FUT8: variants seen among roughly 807,000 people sequenced by gnomAD.
The protein encoded by FUT8 is alpha-(1,6)-fucosyltransferase.
In FUT8, 29 loss-of-function variants were observed where a neutral mutation model predicts 71.3. The observed-to-expected ratio is 0.41, with a 90% CI of 0.30 to 0.55. The LOEUF (loss-of-function observed/expected upper bound fraction) is 0.55, where lower values mean the gene tolerates loss of function less well. FUT8 is among the 20% of genes least tolerant of loss of function. FUT8 has a pLI of 0.34. For synonymous variants in FUT8, 254 were observed against 239.3 expected (o/e 1.06, Z -0.57); for missense variants, 544 against 702.1 (o/e 0.77, Z 2.55).
chr14:65,521,459 G>T lies in FUT8; in HGVS notation c.-227-39878G>T, dbSNP rs80061208. Among the ~76,000 whole-genome samples the T allele has an allele frequency of 4.1e-3, 617 of 152,264 alleles. 13 individuals are homozygous for T. The East Asian group carries it at 0.073, about 18-fold the overall frequency. ...GAGAAAAGTAAGTACATTAGGGATG[G>T]TAATAAGGAATGTTGGAATTGGGAA... On this transcript the variant is annotated intron_variant, in intron 2 of 10. Transcript: ENST00000673929.
At chr14:65,510,694 G>A (rs1882279704) in intron 2 of FUT8, among the ~76,000 whole-genome samples, 1 of 151,990 alleles carries the variant, frequency 6.6e-6, no homozygotes, top group Admixed American at 6.6e-5. Flanking sequence ...TTTCTTCTAA[G>A]TTTTCCAATT....
At chr14:65,604,208 A>G (rs772129692) in intron 3 of FUT8, among the ~76,000 whole-genome samples, 44 of 151,930 alleles carry the variant, frequency 2.9e-4, no homozygotes, top group Non-Finnish European at 5.7e-4. Flanking sequence ...ACAGAAAGTC[A>G]ACAAAGAAAC....
intron 3 of FUT8, among the ~76,000 whole-genome samples, chr14:65,572,387 C>G (rs1886526134): frequency 6.6e-6 from 1 of 152,182 alleles, no homozygotes; most frequent in African/African-American, 2.4e-5. Flanking sequence ...TAAGTACTCA[C>G]ATTATCCCCA....
At chr14:65,741,583 C>T (rs539135967) in intron 10 of FUT8, among the ~76,000 whole-genome samples, 3 of 151,924 alleles carry the variant, frequency 2.0e-5, no homozygotes, top group African/African-American at 7.2e-5. Context: ...AAAAAGAAAA[C>T]AGTTCTGACA....
Position 65,467,840 on chromosome 14 carries a change from C to G in FUT8, c.-228+12122C>G. The G allele has an allele frequency of 1.3e-6, 1 of 786,608 alleles. No homozygotes were observed. The highest frequency in any genetic ancestry group is 1.7e-5 in the Admixed American group (1 of 57,878). 48.7% of individuals were successfully genotyped at this position (786,608 alleles called of 1,614,324 possible). On this transcript the variant is annotated intron_variant, in intron 2 of 10. Coordinates refer to ENST00000673929, the MANE Select transcript of FUT8 (RefSeq NM_001371533.1). This position sits in a 1 kb window ranked among gnomAD's most constrained non-coding sequence, Gnocchi z 4.1. Reference sequence around the variant, plus strand: ...TGAATTCACAGGGAATAGGTTCCAGCAGCTCAGGCTCCTTCCCACTGGTTC... The same window carrying G: ...TGAATTCACAGGGAATAGGTTCCAGGAGCTCAGGCTCCTTCCCACTGGTTC...
intron 6 of FUT8, among the ~76,000 whole-genome samples, chr14:65,657,957 A>T (rs1358527975): frequency 6.6e-6 from 1 of 152,142 alleles, no homozygotes; most frequent in Non-Finnish European, 1.5e-5. Flanking sequence ...AAAATTAAAA[A>T]TTAAAGAAAA....
chr14:65,439,507 A>G (rs530774770), intron 1 of FUT8, among the ~76,000 whole-genome samples: 1 of 152,196 alleles, frequency 6.6e-6, no homozygotes, highest in Non-Finnish European at 1.5e-5. Flanking sequence ...CTTTAAAGCC[A>G]TACTCCTAAA....
the FUT8 span, among the ~76,000 whole-genome samples, chr14:65,372,785 A>C: frequency 6.6e-6 from 1 of 152,054 alleles, no homozygotes; most frequent in Non-Finnish European, 1.5e-5. Context: ...CTCTGATAAT[A>C]CTTTCAGTTT....
the FUT8 span, among the ~76,000 whole-genome samples, chr14:65,363,436 T>C: frequency 1.3e-5 from 2 of 152,184 alleles, no homozygotes; most frequent in South Asian, 4.1e-4. Context: ...TTTGCATTTT[T>C]AGTAGAGACA....
At chr14:65,565,100 C>T (rs962400297) in intron 3 of FUT8, among the ~76,000 whole-genome samples, 7 of 151,796 alleles carry the variant, frequency 4.6e-5, no homozygotes, top group African/African-American at 1.7e-4. Context: ...GGAGAGTAAG[C>T]GTGTATAAAG....
chr14:65,363,552 C>T, the FUT8 span, among the ~76,000 whole-genome samples: 2 of 152,170 alleles, frequency 1.3e-5, no homozygotes, highest in East Asian at 1.9e-4. Context: ...CCACTGCGCC[C>T]GGCCAGGAAG....
At chr14:65,440,949 A>T (rs1180862638) in intron 1 of FUT8, among the ~76,000 whole-genome samples, 1 of 152,202 alleles carries the variant, frequency 6.6e-6, no homozygotes, top group South Asian at 2.1e-4. Flanking sequence ...AACAATTTAT[A>T]ACTGTGGAAT....
At chr14:65,405,529 AT>A in the FUT8 span, among the ~76,000 whole-genome samples, 3 of 151,852 alleles carry the variant, frequency 2.0e-5, no homozygotes, top group Admixed American at 2.0e-4. Context: ...TCCTCTTCTT[AT>A]TTTTTTTACT....
At chr14:65,558,443 T>G (rs1885718568) in intron 2 of FUT8, among the ~76,000 whole-genome samples, 1 of 152,188 alleles carries the variant, frequency 6.6e-6, no homozygotes, top group Non-Finnish European at 1.5e-5. Flanking sequence ...ATTAATGACT[T>G]TATTTTTGAA....
At chr14:65,447,585 A>T (rs1281825537) in intron 1 of FUT8, among the ~76,000 whole-genome samples, 1 of 152,110 alleles carries the variant, frequency 6.6e-6, no homozygotes, top group Non-Finnish European at 1.5e-5. Flanking sequence ...TTTCAAATAC[A>T]TACATTTTTT....
chr14:65,524,014 C>T (rs1266077685), intron 2 of FUT8, among the ~76,000 whole-genome samples: 1 of 152,122 alleles, frequency 6.6e-6, no homozygotes, highest in Admixed American at 6.5e-5. Flanking sequence ...TGTGATGCCT[C>T]CAGCTTTGTT....
rs1032854315 is a variant in FUT8, at chr14:65,438,819, A to G, written c.-325-16802A>G. On this transcript the variant is annotated intron_variant, in intron 1 of 10. Coordinates refer to ENST00000673929, the MANE Select transcript of FUT8 (RefSeq NM_001371533.1). The stretch of plus-strand genomic sequence containing the variant: ...AATTCTCTTGCTCTCCACATTTTCT[A>G]TAATGATTGTTCACAGGCACAGTGT... 3.3e-5 allele frequency among the ~76,000 whole-genome samples: 5 copies of G among 152,264 alleles called. No individual in the cohort carries two copies. The South Asian group carries it at 6.2e-4, about 19-fold the overall frequency.
At chr14:65,468,116 T>C (rs2066073987) in intron 2 of FUT8, 4 of 633,594 alleles carry the variant, frequency 6.3e-6, no homozygotes, top group Admixed American at 6.0e-5. Flanking sequence ...GTTTACAACT[T>C]GCTTACAGTG....
Position 65,603,482 on chromosome 14 carries a change from A to T in FUT8, c.204-12496A>T, listed in dbSNP as rs1461401930. 6.6e-6 allele frequency among the ~76,000 whole-genome samples: 1 copy of T among 151,486 alleles called. No homozygotes were observed. Among genetic ancestry groups the T allele is most frequent in the Admixed American group, 6.6e-5 (1 of 15,162 alleles). On this transcript the variant is annotated intron_variant, in intron 3 of 10. Coordinates refer to ENST00000673929, the MANE Select transcript of FUT8 (RefSeq NM_001371533.1). The surrounding 1 kb of genome is among the most constrained non-coding windows in gnomAD (Gnocchi z 4.5). ...GTGGGCTCTTTTTTGGTTCCATGTG[A>T]ATTTTAGAATTGTTTTTTTCTAATT...
Sources: gnomAD v4.1 joint callset for allele counts (sites outside exome capture counted in the v4.1 genomes callset) on GRCh38, gnomAD v4.1.1 for gene constraint, Gnocchi (gnomAD v3.1) non-coding constraint, MANE v1.5 for transcripts, NCBI Gene and HGNC (gene_info 2026-07-23, HGNC 2026-07-21) for gene names.